Variants in CACNA2D3 observed in about 807,000 individuals in gnomAD.
CACNA2D3 encodes the protein calcium voltage-gated channel auxiliary subunit alpha2delta 3.
A neutral mutation model predicts 160.6 loss-of-function variants in CACNA2D3; 60 were observed. The observed-to-expected ratio is 0.37, with a 90% CI of 0.30 to 0.46. The LOEUF (loss-of-function observed/expected upper bound fraction) is 0.46, where lower values mean the gene tolerates loss of function less well. Among genes scored for constraint, CACNA2D3 ranks in the 20% least tolerant of loss-of-function variants. The pLI, the probability that CACNA2D3 is intolerant of heterozygous loss-of-function variation, is 1.00. For missense variants in CACNA2D3, 1,205 were observed against 1,365.0 expected (o/e 0.88, Z 1.85); for synonymous variants, 558 against 492.9 (o/e 1.13, Z -1.75).
At chr3:54,868,500 T>C (rs1017986308) in intron 17 of CACNA2D3, among the ~76,000 whole-genome samples, 3 of 152,210 alleles carry the variant, frequency 2.0e-5, no homozygotes, top group African/African-American at 4.8e-5. Flanking sequence ...TGGTGAAATA[T>C]ACTGTATTTA....
chr3:54,594,660 C>G (rs1428935227), intron 9 of CACNA2D3, among the ~76,000 whole-genome samples: 1 of 152,076 alleles, frequency 6.6e-6, no homozygotes, highest in Non-Finnish European at 1.5e-5. Context: ...AACTGGAGGG[C>G]AAGAAGACTT....
chr3:54,229,962 T>TA (rs1399014270), intron 2 of CACNA2D3, among the ~76,000 whole-genome samples: 4 of 152,152 alleles, frequency 2.6e-5, no homozygotes, highest in Non-Finnish European at 4.4e-5. Flanking sequence ...CACTGCAACA[T>TA]ACGATGCTTC....
At chr3:54,188,015 A>C (rs1046299466) in intron 2 of CACNA2D3, among the ~76,000 whole-genome samples, 4 of 152,036 alleles carry the variant, frequency 2.6e-5, no homozygotes, top group Non-Finnish European at 5.9e-5. Flanking sequence ...AGAGAGTCGA[A>C]CTCCAAAATA....
At chr3:54,844,700 C>G (rs1698897048) in intron 16 of CACNA2D3, among the ~76,000 whole-genome samples, 1 of 152,062 alleles carries the variant, frequency 6.6e-6, no homozygotes, top group Non-Finnish European at 1.5e-5. Flanking sequence ...TATACTCAAC[C>G]CCACAGATAA....
chr3:54,739,544 TC>T (rs1351957387), intron 11 of CACNA2D3, among the ~76,000 whole-genome samples: 1 of 152,072 alleles, frequency 6.6e-6, no homozygotes, highest in Admixed American at 6.5e-5. Context: ...ACATTGGGAT[TC>T]TTTTCACCTC....
chr3:54,260,726 T>C lies in CACNA2D3; in HGVS notation c.205-59716T>C, dbSNP rs78655181. ...GGCCATGCTGGTATTCTTTTTTTTT[T>C]CCTTAAACATGCCAAGCCCTTTCAG... On this transcript the variant is annotated intron_variant, in intron 2 of 37. Transcript: ENST00000474759. Among the ~76,000 whole-genome samples the C allele has an allele frequency of 1.3e-5, 2 of 152,152 alleles. 1 individual carries two copies. The highest frequency in any genetic ancestry group is 1.3e-4 in the Admixed American group (2 of 15,264).
intron 4 of CACNA2D3, among the ~76,000 whole-genome samples, chr3:54,401,521 A>G (rs543830791): frequency 1.3e-5 from 2 of 152,214 alleles, no homozygotes; most frequent in Non-Finnish European, 1.5e-5. Context: ...CAGGTCACAT[A>G]TAAGGGAAAT....
At position 54,925,096 on chromosome 3, in the gene CACNA2D3, C is replaced by T. The variant is rs3806633; in HGVS notation, c.2449+25228C>T. On this transcript the variant is annotated intron_variant, in intron 27 of 37. Transcript: ENST00000474759. ...TGAGGAGGTAAATGGGAAGGGATTT[C>T]GGCCAGACCCTGCTGGCTGCAGTCT... is the stretch of plus-strand genomic sequence containing the variant. The T allele has an allele frequency of 3.4e-4, 541 of 1,614,048 alleles. 3 individuals are homozygous for T. In the East Asian group the frequency reaches 9.8e-3, roughly 29 times the overall value.
chr3:54,648,120 T>G (rs1179439360), intron 11 of CACNA2D3, among the ~76,000 whole-genome samples: 2 of 152,186 alleles, frequency 1.3e-5, no homozygotes, highest in Non-Finnish European at 2.9e-5. Context: ...GCTGGATAGG[T>G]AAGAAAATGA....
At chr3:54,134,179 T>C (rs1028830066) in intron 2 of CACNA2D3, among the ~76,000 whole-genome samples, 1 of 152,194 alleles carries the variant, frequency 6.6e-6, no homozygotes, top group African/African-American at 2.4e-5. Context: ...TCGATTTTAT[T>C]TTGCTTGGAG....
intron 9 of CACNA2D3, among the ~76,000 whole-genome samples, chr3:54,622,348 T>C (rs758925715): frequency 2.0e-5 from 3 of 152,200 alleles, no homozygotes; most frequent in Non-Finnish European, 4.4e-5. Flanking sequence ...CAATCTCAGC[T>C]CACTGCAAGC....
chr3:54,844,993 T>G (rs866623615), intron 16 of CACNA2D3, among the ~76,000 whole-genome samples: 66 of 152,314 alleles, frequency 4.3e-4, no homozygotes, highest in Middle Eastern at 3.4e-3. Flanking sequence ...TAATGGTAAT[T>G]AATGCAGCGT....
At chr3:54,938,543 C>G (rs1559637693) in intron 27 of CACNA2D3, among the ~76,000 whole-genome samples, 1 of 152,084 alleles carries the variant, frequency 6.6e-6, no homozygotes, top group South Asian at 2.1e-4. Context: ...GTATATAATA[C>G]AAAGCCAAGC....
At chr3:54,620,596 C>T (rs1479221260) in intron 9 of CACNA2D3, among the ~76,000 whole-genome samples, 1 of 152,286 alleles carries the variant, frequency 6.6e-6, no homozygotes, top group East Asian at 1.9e-4. Context: ...ACACTGAGTC[C>T]TTCTGAAAAT....
At chr3:54,453,460 G>A (rs1265110545) in intron 4 of CACNA2D3, among the ~76,000 whole-genome samples, 1 of 151,996 alleles carries the variant, frequency 6.6e-6, no homozygotes, top group East Asian at 1.9e-4. Context: ...GACTTAATTC[G>A]ACCTGAAACA....
chr3:54,977,434 T>A (rs981756450), intron 29 of CACNA2D3, among the ~76,000 whole-genome samples: 1 of 152,214 alleles, frequency 6.6e-6, no homozygotes, highest in Non-Finnish European at 1.5e-5. Flanking sequence ...TATAATCTAT[T>A]TGCCTTGTAC....
Position 54,912,512 on chromosome 3 carries a change from C to G in CACNA2D3, c.2449+12644C>G, listed in dbSNP as rs565939707. ...TCAGTCACACCAACCTTGCTGCTAC[C>G]TCAGGGCCTTTGCACCTGCCATGCC... On this transcript the variant is annotated intron_variant, in intron 27 of 37. Transcript: ENST00000474759. Among the ~76,000 whole-genome samples the G allele has an allele frequency of 4.6e-5, 7 of 152,278 alleles. 1 individual carries two copies. The highest frequency in any genetic ancestry group is 1.7e-4 in the African/African-American group (7 of 41,558).
chr3:54,222,249 T>A (rs371934472), intron 2 of CACNA2D3, among the ~76,000 whole-genome samples: 2 of 152,192 alleles, frequency 1.3e-5, no homozygotes, highest in East Asian at 3.9e-4. Context: ...GTAGTTCCAG[T>A]CTGAGTCTGA....
rs1251289678 is a variant in CACNA2D3 at position 54,488,652 on chromosome 3, TTC to T, written c.382-14834_382-14833del. Among the ~76,000 whole-genome samples, 9 of 152,228 alleles carry T rather than the reference TTC, an allele frequency of 5.9e-5. No homozygotes were observed. The East Asian group carries it at 1.2e-3, about 20-fold the overall frequency. On this transcript the variant is annotated intron_variant, in intron 4 of 37. Transcript: ENST00000474759. ...GACATTGCTGAGGTGGGACACTCCC[TTC>T]TCTCTTTCTTCGCATTCCTTCAACA...
Sources: gnomAD v4.1 joint callset for allele counts (sites outside exome capture counted in the v4.1 genomes callset) on GRCh38, gnomAD v4.1.1 for gene constraint, MANE v1.5 for transcripts, NCBI Gene and HGNC (gene_info 2026-07-23, HGNC 2026-07-21) for gene names.